The following KCNH7 variants were observed in gnomAD, a reference collection of about 807,000 sequenced individuals.
KCNH7 encodes the protein potassium voltage-gated channel subfamily H member 7.
In KCNH7, 49 loss-of-function variants were observed where a neutral mutation model predicts 120.8. The ratio of observed to expected loss-of-function variants is 0.41; its 90% CI spans 0.32 to 0.51. The LOEUF is 0.51. KCNH7 is among the 20% of genes least tolerant of loss of function. KCNH7 has a pLI of 0.38. For synonymous variants in KCNH7, 547 were observed against 516.1 expected (o/e 1.06, Z -0.81); for missense variants, 1,097 against 1,446.6 (o/e 0.76, Z 3.92).
At chr2:162,532,940 G>A (rs1038783353) in intron 3 of KCNH7, among the ~76,000 whole-genome samples, 10 of 151,832 alleles carry the variant, frequency 6.6e-5, no homozygotes, top group African/African-American at 1.9e-4. Context: ...GCACAAAGAT[G>A]AGCCTTAAGA....
At chr2:162,789,975 GA>G (rs142519169) in intron 2 of KCNH7, among the ~76,000 whole-genome samples, 12 of 151,154 alleles carry the variant, frequency 7.9e-5, no homozygotes, top group African/African-American at 2.7e-4. Flanking sequence ...AACATTAACA[GA>G]AAAAAATCAA....
chr2:162,514,915 A>G (rs1691227953), intron 4 of KCNH7, among the ~76,000 whole-genome samples: 1 of 151,790 alleles, frequency 6.6e-6, no homozygotes, highest in African/African-American at 2.4e-5. Flanking sequence ...ATTTATTTCA[A>G]TGAGGAGACA....
chr2:162,382,250 G>A (rs1057154725), intron 13 of KCNH7, among the ~76,000 whole-genome samples: 1 of 151,928 alleles, frequency 6.6e-6, no homozygotes, highest in Non-Finnish European at 1.5e-5. Flanking sequence ...AGAAATGAAC[G>A]AAGTGTATAC....
intron 7 of KCNH7, among the ~76,000 whole-genome samples, chr2:162,441,319 G>T (rs1417043393): frequency 6.6e-6 from 1 of 152,166 alleles, no homozygotes; most frequent in African/African-American, 2.4e-5. Flanking sequence ...CTCAGAGTTT[G>T]CATATAGATA....
intron 2 of KCNH7, among the ~76,000 whole-genome samples, chr2:162,563,371 CTTGTA>C (rs1320418937): frequency 5.3e-5 from 8 of 152,136 alleles, no homozygotes; most frequent in African/African-American, 9.7e-5. Context: ...ATTACTTTAC[CTTGTA>C]TTGTATTTCT....
chr2:162,439,807 A>C (rs1320231119), intron 7 of KCNH7, among the ~76,000 whole-genome samples: 1 of 151,776 alleles, frequency 6.6e-6, no homozygotes, highest in East Asian at 1.9e-4. Flanking sequence ...AGGTACATTA[A>C]TTTTTAAACT....
intron 14 of KCNH7, among the ~76,000 whole-genome samples, chr2:162,376,201 T>C (rs1370939149): frequency 2.6e-5 from 4 of 151,918 alleles, no homozygotes; most frequent in African/African-American, 9.7e-5. Context: ...AACTAACCAC[T>C]TAGGAAAGAC....
chr2:162,463,029 G>A (rs1044067403), intron 6 of KCNH7, among the ~76,000 whole-genome samples: 1 of 151,972 alleles, frequency 6.6e-6, no homozygotes, highest in African/African-American at 2.4e-5. Context: ...AGTAGTTGAT[G>A]AGTCTTACTT....
At chr2:162,382,950 G>T (rs1207787902) in intron 13 of KCNH7, among the ~76,000 whole-genome samples, 1 of 151,814 alleles carries the variant, frequency 6.6e-6, no homozygotes, top group Non-Finnish European at 1.5e-5. Context: ...TTTGAATAGA[G>T]ATTGCCCTGT....
chr2:162,750,144 C>A (rs1410094522), intron 2 of KCNH7, among the ~76,000 whole-genome samples: 1 of 151,450 alleles, frequency 6.6e-6, no homozygotes, highest in Non-Finnish European at 1.5e-5. Context: ...TCAGCCTTTG[C>A]AAAGCCAAGG....
chr2:162,453,555 G>A (rs954185953), intron 6 of KCNH7, among the ~76,000 whole-genome samples: 1 of 152,156 alleles, frequency 6.6e-6, no homozygotes, highest in Non-Finnish European at 1.5e-5. Context: ...TTCCACAATG[G>A]TTGAACTAAT....
At chr2:162,476,830 C>T (rs540641046) in intron 6 of KCNH7, among the ~76,000 whole-genome samples, 142 of 152,246 alleles carry the variant, frequency 9.3e-4, no homozygotes, top group African/African-American at 3.3e-3. Context: ...TCTATTGTTA[C>T]CTCCAGTGGA....
chr2:162,808,909 T>C (rs1684639693), intron 2 of KCNH7, among the ~76,000 whole-genome samples: 1 of 152,206 alleles, frequency 6.6e-6, no homozygotes, highest in Non-Finnish European at 1.5e-5. Flanking sequence ...TAAGTAATCA[T>C]GTTAGCACTA....
chr2:162,560,101 A>T (rs977546345), intron 2 of KCNH7, among the ~76,000 whole-genome samples: 4 of 152,246 alleles, frequency 2.6e-5, no homozygotes, highest in African/African-American at 9.6e-5. Context: ...GAGGATGCCA[A>T]CTGCAAGAAT....
intron 2 of KCNH7, among the ~76,000 whole-genome samples, chr2:162,541,715 A>C (rs559000584): frequency 6.6e-6 from 1 of 152,094 alleles, no homozygotes; most frequent in African/African-American, 2.4e-5. Context: ...GAAAGGGAAC[A>C]TCAGGCAGAA....
intron 2 of KCNH7, among the ~76,000 whole-genome samples, chr2:162,641,144 A>C (rs997863047): frequency 6.6e-6 from 1 of 152,208 alleles, no homozygotes; most frequent in African/African-American, 2.4e-5. Flanking sequence ...CTCAACGCAG[A>C]ACTACCACAT....
At chr2:162,492,865 GTTTTTTTTTTTTT>G (rs67006443) in intron 6 of KCNH7, among the ~76,000 whole-genome samples, 1,402 of 57,272 alleles carry the variant, frequency 0.024, 58 homozygotes, top group African/African-American at 0.074. Context: ...CTTGGATCTT[GTTTTTTTTTTTTT>G]TTTTTTTTTT....
chr2:162,512,585 G>C, intron 5 of KCNH7, 69 bp downstream of exon 5: 1 of 1,411,082 alleles, frequency 7.1e-7, no homozygotes, highest in South Asian at 1.2e-5. Flanking sequence ...GCATACAGCA[G>C]GCAAGTTAAC....
chr2:162,832,539 C>T (rs886249703), intron 2 of KCNH7, among the ~76,000 whole-genome samples: 1 of 151,924 alleles, frequency 6.6e-6, no homozygotes, highest in Non-Finnish European at 1.5e-5. Flanking sequence ...AATTAACAAC[C>T]CCATAGTCCA....
Sources: allele counts gnomAD v4.1 joint callset (sites outside exome capture counted in the v4.1 genomes callset), GRCh38; gene constraint gnomAD v4.1.1; transcripts MANE v1.5; gene names NCBI Gene and HGNC (gene_info 2026-07-23, HGNC 2026-07-21).